KIF4A: variants seen among roughly 807,000 people sequenced by gnomAD.
The protein encoded by KIF4A is chromosome-associated kinesin KIF4A.
Under a neutral mutation model 105.9 loss-of-function variants are expected in KIF4A, and 7 were observed. That is an observed-to-expected ratio of 0.07 (90% CI 0.04 to 0.12). The LOEUF (loss-of-function observed/expected upper bound fraction) is 0.12, where lower values mean the gene tolerates loss of function less well. Among genes scored for constraint, KIF4A ranks in the 10% least tolerant of loss-of-function variants. The pLI is 1.00. For synonymous variants in KIF4A, 281 were observed against 331.3 expected (o/e 0.85, Z 1.65); for missense variants, 558 against 929.2 (o/e 0.60, Z 5.19).
chrX:70,398,608 T>A (rs2086269220), intron 22 of KIF4A, among the ~76,000 whole-genome samples: 1 of 112,230 alleles, frequency 8.9e-6, no homozygotes, highest in African/African-American at 3.2e-5. Context: ...CCCTGACTTT[T>A]TAATCCCTCA....
At chrX:70,385,624 A>G (rs183130167) in intron 18 of KIF4A, among the ~76,000 whole-genome samples, 351 of 112,002 alleles carry the variant, frequency 3.1e-3, no homozygotes, top group African/African-American at 0.011. Context: ...GTTGAATGAA[A>G]TGAATTGTTC....
chrX:70,355,318 G>A (rs1017498503), intron 15 of KIF4A, among the ~76,000 whole-genome samples: 1 of 111,673 alleles, frequency 9.0e-6, no homozygotes, highest in Non-Finnish European at 1.9e-5. Flanking sequence ...TGAGGCTAGT[G>A]TTTTCTACCT....
chrX:70,290,957 T>G, intron 3 of KIF4A, 152 bp downstream of exon 3: 1 of 436,402 alleles, frequency 2.3e-6, no homozygotes, highest in South Asian at 4.0e-5. Context: ...TTTGTCAACG[T>G]CTCTGTACCC....
At chrX:70,397,979 A>G (rs1359340559) in intron 22 of KIF4A, among the ~76,000 whole-genome samples, 1 of 112,318 alleles carries the variant, frequency 8.9e-6, no homozygotes, top group Non-Finnish European at 1.9e-5. Context: ...TTTTTACACC[A>G]CAGAAACTGA....
At chrX:70,292,662 G>A (rs7065443) in intron 3 of KIF4A, among the ~76,000 whole-genome samples, 6,269 of 111,611 alleles carry the variant, frequency 0.056, 151 homozygotes, top group South Asian at 0.15. Flanking sequence ...TTGGAAAACC[G>A]TTAAGTGTTT....
At chrX:70,370,140 A>G (rs1331128915) in intron 15 of KIF4A, among the ~76,000 whole-genome samples, 7 of 111,691 alleles carry the variant, frequency 6.3e-5, no homozygotes, top group Non-Finnish European at 1.3e-4. Flanking sequence ...ATAGATTTGT[A>G]TAAGTGCACA....
At position 70,343,790 on chromosome X, in the gene KIF4A, A is replaced by G. The variant is rs1038182832; in HGVS notation, c.1325+29A>G. ...AGTTGCCCACCAGATATTTGTTAGCAACCTATAGCATCTTAGTATATAATC... is the reference window on the plus strand; with the variant it reads ...AGTTGCCCACCAGATATTTGTTAGCGACCTATAGCATCTTAGTATATAATC... On this transcript the variant is annotated intron_variant, in intron 12 of 30. Transcript: ENST00000374403. 5 of 1,195,447 alleles carry G rather than the reference A, an allele frequency of 4.2e-6. No homozygotes were observed. The African/African-American group carries it at 8.8e-5, about 21-fold the overall frequency.
rs1458052732 is a variant in KIF4A at position 70,353,741 on chromosome X, A to G, written c.1608A>G (p.Lys536=). 2 of 1,204,861 alleles carry G rather than the reference A, an allele frequency of 1.7e-6. No individual in the cohort carries two copies. Among genetic ancestry groups the G allele is most frequent in the East Asian group, 5.9e-5 (2 of 33,709 alleles). ...AGTTGAATAAAGCGCTTGCACTGAA[A>G]GAGGCCCTGGCTAGGAAGATGACTC... ...LVELNKALAL[K]EALARKMTQN... Residue 536 remains lysine, a synonymous_variant, in exon 15 of 31, where the codon AAA becomes AAG. Coordinates refer to ENST00000374403, the MANE Select transcript of KIF4A (RefSeq NM_012310.5).
intron 26 of KIF4A, 82 bp from the exon 27 acceptor site, chrX:70,406,177 C>T: frequency 5.0e-6 from 4 of 797,886 alleles, no homozygotes; most frequent in Non-Finnish European, 7.6e-6. Flanking sequence ...GTTAAGCTAG[C>T]CTAGGTCTGG....
At chrX:70,344,037 GAC>G in intron 13 of KIF4A, 55 bp downstream of exon 13, 1 of 895,321 alleles carries the variant, frequency 1.1e-6, no homozygotes, top group South Asian at 2.2e-5. Context: ...TGTTTCTCTT[GAC>G]ACATACAAGC....
intron 10 of KIF4A, among the ~76,000 whole-genome samples, chrX:70,334,635 T>C (rs2085943687): frequency 8.9e-6 from 1 of 112,399 alleles, no homozygotes; most frequent in Non-Finnish European, 1.9e-5. Context: ...AGGCATAGAG[T>C]ATCTAAGCAA....
chrX:70,304,134 CTG>C (rs1197140609), intron 7 of KIF4A, among the ~76,000 whole-genome samples: 5 of 87,227 alleles, frequency 5.7e-5, no homozygotes, highest in African/African-American at 2.1e-4. Flanking sequence ...GTTCCCCTTC[CTG>C]TGTCCATGTG....
chrX:70,395,393 GA>G (rs1489950857), intron 20 of KIF4A, among the ~76,000 whole-genome samples: 4 of 111,643 alleles, frequency 3.6e-5, no homozygotes, highest in East Asian at 5.6e-4. Context: ...AAGGGCAAAG[GA>G]AAAAAATGAA....
intron 13 of KIF4A, among the ~76,000 whole-genome samples, chrX:70,351,779 A>G (rs2086031777): frequency 8.9e-6 from 1 of 111,875 alleles, no homozygotes; most frequent in African/African-American, 3.3e-5. Flanking sequence ...TTTCTTCAAG[A>G]TGGAGTCTTG....
At chrX:70,335,419 T>A (rs982331251) in intron 10 of KIF4A, among the ~76,000 whole-genome samples, 1 of 112,257 alleles carries the variant, frequency 8.9e-6, no homozygotes, top group Non-Finnish European at 1.9e-5. Flanking sequence ...TTAATGGGTA[T>A]AGAATTTTAG....
At chrX:70,291,789 G>T (rs927372933) in intron 3 of KIF4A, among the ~76,000 whole-genome samples, 1 of 111,488 alleles carries the variant, frequency 9.0e-6, no homozygotes, top group African/African-American at 3.3e-5. Flanking sequence ...TTTTGACAGG[G>T]AACTCACTGA....
chrX:70,297,367 G>A (rs1352897104), intron 4 of KIF4A, among the ~76,000 whole-genome samples, 179 bp downstream of exon 4: 4 of 112,001 alleles, frequency 3.6e-5, no homozygotes, highest in Non-Finnish European at 7.5e-5. Flanking sequence ...CTTGGTGTTA[G>A]AATAGTCTGT....
intron 13 of KIF4A, among the ~76,000 whole-genome samples, chrX:70,351,306 C>T (rs1023770196): frequency 3.6e-5 from 4 of 112,281 alleles, no homozygotes; most frequent in Admixed American, 1.9e-4. Context: ...ATCCCCCAAC[C>T]CTTTCACTCT....
intron 28 of KIF4A, among the ~76,000 whole-genome samples, chrX:70,414,941 C>T (rs776243229): frequency 6.2e-5 from 7 of 112,133 alleles, no homozygotes; most frequent in Non-Finnish European, 9.4e-5. Flanking sequence ...ATCCCACTTT[C>T]TTCTACGATT....
Sources: allele counts gnomAD v4.1 joint callset (sites outside exome capture counted in the v4.1 genomes callset), GRCh38; gene constraint gnomAD v4.1.1; transcripts MANE v1.5; gene names NCBI Gene and HGNC (gene_info 2026-07-23, HGNC 2026-07-21).